TENM1: variants seen among roughly 807,000 people sequenced by gnomAD.
The protein encoded by TENM1 is teneurin-1.
Under a neutral mutation model 174.8 loss-of-function variants are expected in TENM1, and 35 were observed. The ratio of observed to expected loss-of-function variants is 0.20; its 90% CI spans 0.15 to 0.27. The LOEUF (loss-of-function observed/expected upper bound fraction) is 0.27. Among genes scored for constraint, TENM1 ranks in the 10% least tolerant of loss-of-function variants. TENM1 has a pLI of 1.00. For synonymous variants in TENM1, 781 were observed against 798.7 expected (o/e 0.98, Z 0.37); for missense variants, 1,633 against 2,130.1 (o/e 0.77, Z 4.59).
At chrX:124,452,347 C>T (rs868191045) in intron 23 of TENM1, among the ~76,000 whole-genome samples, 12 of 111,946 alleles carry the variant, frequency 1.1e-4, no homozygotes, top group African/African-American at 1.6e-4. Flanking sequence ...GTTAGAATGG[C>T]GATCATTACA....
chrX:124,675,132 T>C (rs2052035625), intron 5 of TENM1, among the ~76,000 whole-genome samples: 1 of 111,810 alleles, frequency 8.9e-6, no homozygotes. Context: ...CAGTGAAGCT[T>C]TGTAATTTTT....
intron 1 of TENM1, among the ~76,000 whole-genome samples, chrX:124,957,792 C>T (rs1037503738): frequency 9.0e-6 from 1 of 110,752 alleles, no homozygotes; most frequent in Non-Finnish European, 1.9e-5. Flanking sequence ...AGTCTATGAC[C>T]TTGTGAGACT....
At chrX:124,515,266 G>A (rs1310001188) in intron 18 of TENM1, among the ~76,000 whole-genome samples, 1 of 111,693 alleles carries the variant, frequency 9.0e-6, no homozygotes, top group Non-Finnish European at 1.9e-5. Flanking sequence ...AAACCTGGAA[G>A]CATTCCCCTT....
chrX:124,754,464 G>A (rs2054172671), intron 3 of TENM1, among the ~76,000 whole-genome samples: 1 of 111,231 alleles, frequency 9.0e-6, no homozygotes, highest in African/African-American at 3.3e-5. Flanking sequence ...ACTTTTTGAA[G>A]GGTTTTTTGT....
At chrX:125,066,424 A>G in the TENM1 span, among the ~76,000 whole-genome samples, 4 of 111,490 alleles carry the variant, frequency 3.6e-5, no homozygotes, top group Non-Finnish European at 7.5e-5. Context: ...GTAACTTTTT[A>G]TTATTGTTCC....
chrX:125,142,471 G>A, the TENM1 span, among the ~76,000 whole-genome samples: 1 of 111,222 alleles, frequency 9.0e-6, no homozygotes. Context: ...AAGCAGATGA[G>A]AGAGTGGGTC....
the TENM1 span, among the ~76,000 whole-genome samples, chrX:125,014,903 C>G: frequency 4.5e-5 from 5 of 111,491 alleles, no homozygotes; most frequent in Non-Finnish European, 9.4e-5. Flanking sequence ...TTATGTATAT[C>G]AAAAAGAGAT....
chrX:124,515,092 A>G (rs1218940744), intron 18 of TENM1, among the ~76,000 whole-genome samples: 1 of 111,931 alleles, frequency 8.9e-6, no homozygotes, highest in Non-Finnish European at 1.9e-5. Context: ...GAACTAAAGA[A>G]AAAAACCACT....
the TENM1 span, among the ~76,000 whole-genome samples, chrX:124,970,834 C>T: frequency 9.0e-6 from 1 of 110,824 alleles, no homozygotes; most frequent in Non-Finnish European, 1.9e-5. Flanking sequence ...GACACATGCA[C>T]ACGTATGTTC....
intron 3 of TENM1, among the ~76,000 whole-genome samples, chrX:124,748,693 T>C (rs1338586888): frequency 2.7e-5 from 3 of 112,203 alleles, no homozygotes; most frequent in Non-Finnish European, 5.6e-5. Flanking sequence ...AATTAGTAAG[T>C]ACATCATAAC....
At chrX:125,104,909 A>C in the TENM1 span, among the ~76,000 whole-genome samples, 168 of 112,045 alleles carry the variant, frequency 1.5e-3, 1 homozygote, top group Non-Finnish European at 2.7e-3. Context: ...GCAATGACAA[A>C]GATGCTGTAT....
At chrX:124,643,357 G>T (rs1485493884) in intron 10 of TENM1, among the ~76,000 whole-genome samples, 2 of 110,754 alleles carry the variant, frequency 1.8e-5, no homozygotes, top group Non-Finnish European at 3.8e-5. Context: ...CATACAGGAA[G>T]GAAATGGGCC....
chrX:124,971,191 C>T, the TENM1 span, among the ~76,000 whole-genome samples: 1 of 107,729 alleles, frequency 9.3e-6, no homozygotes, highest in South Asian at 4.3e-4. Flanking sequence ...ATGTAAATGA[C>T]GGGTTAATGG....
At chrX:124,962,695 G>C (rs1394982879) in intron 1 of TENM1, among the ~76,000 whole-genome samples, 1 of 110,500 alleles carries the variant, frequency 9.0e-6, no homozygotes, top group Non-Finnish European at 1.9e-5. Flanking sequence ...AGGCGCACCT[G>C]TAATCCCAGC....
At chrX:124,824,158 T>C (rs2056104127) in intron 3 of TENM1, among the ~76,000 whole-genome samples, 1 of 112,155 alleles carries the variant, frequency 8.9e-6, no homozygotes, top group South Asian at 3.7e-4. Flanking sequence ...TATCAATATT[T>C]AATAAAATAT....
At chrX:125,200,654 TGAGAGA>T in the TENM1 span, among the ~76,000 whole-genome samples, 12 of 92,424 alleles carry the variant, frequency 1.3e-4, no homozygotes, top group African/African-American at 3.4e-4. Flanking sequence ...TGTGTGTGTG[TGAGAGA>T]GAGAGAGAGA....
the TENM1 span, among the ~76,000 whole-genome samples, chrX:124,994,392 A>G: frequency 1.1e-4 from 12 of 109,115 alleles, no homozygotes; most frequent in Admixed American, 9.8e-4. Flanking sequence ...TCCCTTTACA[A>G]AAGAAGTTTG....
the TENM1 span, among the ~76,000 whole-genome samples, chrX:125,098,028 C>T: frequency 8.9e-5 from 10 of 112,223 alleles, no homozygotes; most frequent in Middle Eastern, 4.6e-3. Context: ...CTTTGGGAGG[C>T]GGAGGCAGGC....
chrX:124,955,100 C>T (rs1686917014), intron 1 of TENM1, among the ~76,000 whole-genome samples: 1 of 112,144 alleles, frequency 8.9e-6, no homozygotes, highest in Admixed American at 9.5e-5. Context: ...AGCCTTATGG[C>T]AATAAACTCA....
Sources: gnomAD v4.1 joint callset for allele counts (sites outside exome capture counted in the v4.1 genomes callset) on GRCh38, gnomAD v4.1.1 for gene constraint, MANE v1.5 for transcripts, NCBI Gene and HGNC (gene_info 2026-07-23, HGNC 2026-07-21) for gene names.